The following ARHGAP6 variants were observed in gnomAD, a reference collection of about 807,000 sequenced individuals.
ARHGAP6 encodes the protein rho GTPase-activating protein 6.
ARHGAP6 carries 16 observed loss-of-function variants against 55.7 expected under a neutral mutation model. The ratio of observed to expected loss-of-function variants is 0.29; its 90% CI spans 0.19 to 0.44. The LOEUF is 0.44. ARHGAP6 is among the 20% of genes least tolerant of loss of function. The pLI is 1.00. For missense variants in ARHGAP6, 698 were observed against 808.9 expected (o/e 0.86, Z 1.66); for synonymous variants, 382 against 360.9 (o/e 1.06, Z -0.66).
At chrX:11,420,095 A>G (rs750505059) in intron 1 of ARHGAP6, among the ~76,000 whole-genome samples, 26 of 112,062 alleles carry the variant, frequency 2.3e-4, no homozygotes, top group African/African-American at 8.4e-4. Flanking sequence ...CTTCAGTAAC[A>G]GTAACTGTAT....
At chrX:11,231,117 C>T (rs976130949) in intron 2 of ARHGAP6, among the ~76,000 whole-genome samples, 2 of 111,949 alleles carry the variant, frequency 1.8e-5, no homozygotes, top group Non-Finnish European at 3.8e-5. Context: ...AGAAACAAGT[C>T]GCACTAAAAC....
At chrX:11,569,003 T>C (rs2051480954) in intron 1 of ARHGAP6, among the ~76,000 whole-genome samples, 2 of 111,891 alleles carry the variant, frequency 1.8e-5, no homozygotes, top group Admixed American at 9.5e-5. Context: ...ATGAAAAAGC[T>C]CAGAGCTAGG....
chrX:11,411,538 T>G (rs1325339733), intron 1 of ARHGAP6, among the ~76,000 whole-genome samples: 1 of 109,575 alleles, frequency 9.1e-6, no homozygotes, highest in Non-Finnish European at 1.9e-5. Flanking sequence ...AAAGTCGAGT[T>G]TCTTAGAAGT....
At chrX:11,545,800 G>T (rs910072787) in intron 1 of ARHGAP6, among the ~76,000 whole-genome samples, 1 of 111,672 alleles carries the variant, frequency 9.0e-6, no homozygotes, top group Non-Finnish European at 1.9e-5. Flanking sequence ...TATTCACAGA[G>T]TAAGTACTTA....
At position 11,646,464 on chromosome X, in the gene ARHGAP6, G is replaced by A. The variant is rs1315998547; in HGVS notation, c.588+17777C>T. ...GAATATAAACGCTGAGGAACAATAA[G>A]AAATGTGTTCAAGATTCCAAGGTTA... On this transcript the variant is annotated intron_variant, in intron 1 of 12. Coordinates refer to ENST00000337414, the MANE Select transcript of ARHGAP6 (RefSeq NM_013427.3). 2.7e-5 allele frequency among the ~76,000 whole-genome samples: 3 copies of A among 111,692 alleles called. No homozygotes were observed. In the East Asian group the frequency reaches 8.5e-4, roughly 31 times the overall value.
intron 2 of ARHGAP6, among the ~76,000 whole-genome samples, chrX:11,220,538 C>T (rs1325364763): frequency 4.5e-5 from 5 of 110,479 alleles, no homozygotes; most frequent in Non-Finnish European, 9.5e-5. Context: ...AACTAAGCTT[C>T]ATAAGTGAAG....
At chrX:11,574,173 T>C (rs1180601451) in intron 1 of ARHGAP6, among the ~76,000 whole-genome samples, 1 of 111,462 alleles carries the variant, frequency 9.0e-6, no homozygotes, top group Admixed American at 9.5e-5. Flanking sequence ...CCATTCCTTC[T>C]GAAACTATTC....
At chrX:11,525,742 A>G (rs1698375913) in intron 1 of ARHGAP6, among the ~76,000 whole-genome samples, 2 of 112,237 alleles carry the variant, frequency 1.8e-5, no homozygotes, top group African/African-American at 6.5e-5. Flanking sequence ...GTTATTCACC[A>G]TGTACTGTGT....
intron 1 of ARHGAP6, among the ~76,000 whole-genome samples, chrX:11,582,839 GTGTCAAAACATCACAT>G (rs2051681347): frequency 9.0e-6 from 1 of 111,085 alleles, no homozygotes; most frequent in Admixed American, 9.6e-5. Context: ...GTGTATACAT[GTGTCAAAACATCACAT>G]TGTATACAAT....
intron 2 of ARHGAP6, among the ~76,000 whole-genome samples, chrX:11,200,560 C>T (rs181075421): frequency 2.7e-5 from 3 of 112,642 alleles, no homozygotes; most frequent in East Asian, 5.6e-4. Context: ...CATGAGATTG[C>T]TCCCTGAGAC....
At chrX:11,258,860 G>T (rs1210604235) in intron 1 of ARHGAP6, among the ~76,000 whole-genome samples, 1 of 111,236 alleles carries the variant, frequency 9.0e-6, no homozygotes, top group Non-Finnish European at 1.9e-5. Context: ...ATTTCTGTGG[G>T]TTCATAGTAG....
Position 11,252,404 on chromosome X carries a change from C to T in ARHGAP6, c.748+2144G>A, listed in dbSNP as rs372215735. Among the ~76,000 whole-genome samples, 46 of 112,443 alleles carry T rather than the reference C, an allele frequency of 4.1e-4. No individual in the cohort carries two copies. In the South Asian group the frequency reaches 0.017, roughly 41 times the overall value. On this transcript the variant is annotated intron_variant, in intron 2 of 12. Transcript: ENST00000337414. ...GAGACAAAACTCTTGGCCCGGGCCC[C>T]ACATGGGCCACTTTGTGAGTTATGT...
At chrX:11,340,683 C>G (rs1218349121) in intron 1 of ARHGAP6, among the ~76,000 whole-genome samples, 2 of 106,943 alleles carry the variant, frequency 1.9e-5, no homozygotes, top group African/African-American at 3.5e-5. Flanking sequence ...GAGCCGAGAT[C>G]GCGCCACTGC....
intron 1 of ARHGAP6, among the ~76,000 whole-genome samples, chrX:11,536,642 A>G (rs149231686): frequency 0.011 from 1,198 of 112,336 alleles, 15 homozygotes; most frequent in African/African-American, 0.036. Flanking sequence ...ATCAAGAGAG[A>G]CGATAAAACC....
At chrX:11,263,032 C>G (rs1240859433) in intron 1 of ARHGAP6, among the ~76,000 whole-genome samples, 1 of 110,626 alleles carries the variant, frequency 9.0e-6, no homozygotes, top group Non-Finnish European at 1.9e-5. Flanking sequence ...GCATCACCAT[C>G]TGATGTGGTT....
At chrX:11,433,767 G>C (rs2049962255) in intron 1 of ARHGAP6, among the ~76,000 whole-genome samples, 1 of 112,441 alleles carries the variant, frequency 8.9e-6, no homozygotes, top group South Asian at 3.7e-4. Context: ...GGCTCAACTA[G>C]ATGCTTTGCA....
chrX:11,387,898 G>A (rs1343021189), intron 1 of ARHGAP6, among the ~76,000 whole-genome samples: 6 of 111,725 alleles, frequency 5.4e-5, no homozygotes, highest in Admixed American at 9.5e-5. Context: ...GTTTTTTATG[G>A]CTGCATAGTA....
intron 1 of ARHGAP6, among the ~76,000 whole-genome samples, chrX:11,373,509 T>C (rs184356578): frequency 2.9e-4 from 32 of 111,966 alleles, no homozygotes; most frequent in Admixed American, 2.7e-3. Context: ...TTTGTGGATT[T>C]GAAAAACAGA....
chrX:11,580,360 C>T (rs2051651781), intron 1 of ARHGAP6, among the ~76,000 whole-genome samples: 1 of 111,730 alleles, frequency 9.0e-6, no homozygotes, highest in South Asian at 3.8e-4. Context: ...CTATGAGACA[C>T]GTGTTGGCCA....
Sources: allele counts gnomAD v4.1 joint callset (sites outside exome capture counted in the v4.1 genomes callset), GRCh38; gene constraint gnomAD v4.1.1; transcripts MANE v1.5; gene names NCBI Gene and HGNC (gene_info 2026-07-23, HGNC 2026-07-21).